Variants in KIAA1671 observed in about 807,000 individuals in gnomAD.
KIAA1671 encodes the protein KIAA1671.
KIAA1671 carries 52 observed loss-of-function variants against 131.2 expected under a neutral mutation model. The observed-to-expected ratio is 0.40, with a 90% CI of 0.32 to 0.50. The LOEUF is 0.50. KIAA1671 is among the 20% of genes least tolerant of loss of function. KIAA1671 has a pLI of 0.73. For missense variants in KIAA1671, 2,360 were observed against 2,364.2 expected (o/e 1.00, Z 0.04); for synonymous variants, 1,003 against 961.6 (o/e 1.04, Z -0.80).
intron 1 of KIAA1671, among the ~76,000 whole-genome samples, chr22:24,979,504 C>A (rs938587108): frequency 6.6e-6 from 1 of 151,502 alleles, no homozygotes; most frequent in Non-Finnish European, 1.5e-5. Context: ...CACCTGCCAC[C>A]GCGCCCGGCT....
intron 5 of KIAA1671, among the ~76,000 whole-genome samples, chr22:25,047,665 G>A (rs1316184344): frequency 6.6e-6 from 1 of 152,202 alleles, no homozygotes; most frequent in East Asian, 1.9e-4. Flanking sequence ...TAGAGACGGG[G>A]TTTCACCATG....
chr22:25,160,823 C>T (rs1447330602), intron 6 of KIAA1671, among the ~76,000 whole-genome samples: 1 of 152,222 alleles, frequency 6.6e-6, no homozygotes, highest in Non-Finnish European at 1.5e-5. Context: ...TGCCATTCCT[C>T]CCCTGACATA....
intron 1 of KIAA1671, among the ~76,000 whole-genome samples, chr22:24,988,398 C>T (rs62233167): frequency 0.039 from 5,859 of 151,870 alleles, 153 homozygotes; most frequent in Non-Finnish European, 0.058. Flanking sequence ...CCCATTTTTG[C>T]TTCATATGAT....
chr22:25,078,461 C>T (rs924158861), intron 6 of KIAA1671, among the ~76,000 whole-genome samples: 1 of 152,094 alleles, frequency 6.6e-6, no homozygotes. Context: ...CCCAAGAGTT[C>T]GAGGCTGCAG....
At position 25,170,845 on chromosome 22, in the gene KIAA1671, G is replaced by A. The variant is rs962397162; in HGVS notation, c.4556G>A (p.Arg1519Gln). 15 of 1,551,510 alleles carry A rather than the reference G, an allele frequency of 9.7e-6. No homozygotes were observed. The highest frequency in any genetic ancestry group is 9.6e-5 in the African/African-American group (7 of 73,028). Reference protein sequence around the residue: ...FVDQLKQCFSRQPTEPKDTDT... With the variant: ...FVDQLKQCFSQQPTEPKDTDT... Reference sequence around the variant, plus strand: ...GACCAGCTGAAGCAGTGTTTCTCCCGGCAGCCCACTGAACCCAAGGACACT... The same window carrying A: ...GACCAGCTGAAGCAGTGTTTCTCCCAGCAGCCCACTGAACCCAAGGACACT... Residue 1519 changes from arginine to glutamine, a missense_variant, in exon 7 of 13, where the codon CGG becomes CAG. By Grantham distance (43) the Arg-to-Gln change is conservative. Transcript: ENST00000358431.
chr22:25,032,612 T>C lies in KIAA1671; in HGVS notation c.1545T>C (p.Phe515=). 3.2e-6 allele frequency: 5 copies of C among 1,543,546 alleles called. No homozygotes were observed. The highest frequency in any genetic ancestry group is 2.4e-5 in the East Asian group (1 of 40,824). ...RPLSADLTKL[F]SSSASSNEVK... is the part of the protein sequence containing the mutation. ...GTAACTCAGATCTCTGTACCAGGTT[T>C]TCAAGTTCAGCTTCCAGCAACGAAG... Residue 515 remains phenylalanine, a synonymous_variant, in exon 4 of 13, where the codon TTT becomes TTC. Coordinates refer to ENST00000358431, the MANE Select transcript of KIAA1671 (RefSeq NM_001145206.2).
intron 9 of KIAA1671, 100 bp from the exon 10 acceptor site, chr22:25,181,599 T>C: frequency 5.6e-6 from 8 of 1,417,724 alleles, no homozygotes; most frequent in East Asian, 2.5e-5. Flanking sequence ...GCAGGTCTGA[T>C]GTGAGCATTG....
At chr22:25,033,491 A>T (rs1355803660) in intron 4 of KIAA1671, among the ~76,000 whole-genome samples, 2 of 151,708 alleles carry the variant, frequency 1.3e-5, no homozygotes, top group Middle Eastern at 3.2e-3. Flanking sequence ...GAGAAAACTC[A>T]TAAAATTGTC....
chr22:25,174,448 G>A lies in KIAA1671; in HGVS notation c.4858G>A (p.Ala1620Thr), dbSNP rs998442810. 7 of 1,544,730 alleles carry A rather than the reference G, an allele frequency of 4.5e-6. No homozygotes were observed. In the East Asian group the frequency reaches 7.4e-5, roughly 16 times the overall value. Residue 1620 changes from alanine (A) to threonine (T), a missense_variant, in exon 8 of 13, where the codon GCC (alanine) becomes ACC (threonine). Transcript: ENST00000358431. ...DGMEGPPPPD[A>T]CPEKRVDDFS... ...GATGGAGGGGCCGCCTCCACCGGAC[G>A]CCTGCCCTGAAAAGAGAGTAGATGA...
intron 9 of KIAA1671, among the ~76,000 whole-genome samples, chr22:25,181,215 A>G (rs1438647812): frequency 6.6e-6 from 1 of 152,220 alleles, no homozygotes; most frequent in East Asian, 1.9e-4. Context: ...AGCCTCAAGC[A>G]CGGGTCTGGG....
intron 6 of KIAA1671, chr22:25,063,208 C>T (rs1176675811): frequency 6.6e-6 from 1 of 152,154 alleles, no homozygotes; most frequent in Non-Finnish European, 1.5e-5. Flanking sequence ...GAGGAGGACC[C>T]ACCGCCCGGG....
At chr22:25,113,788 C>T (rs1931513910) in intron 6 of KIAA1671, among the ~76,000 whole-genome samples, 1 of 152,226 alleles carries the variant, frequency 6.6e-6, no homozygotes, top group African/African-American at 2.4e-5. Context: ...AGACAGATTC[C>T]CCAACCTCTG....
chr22:25,070,452 G>T (rs570438065), intron 6 of KIAA1671: 8 of 434,972 alleles, frequency 1.8e-5, no homozygotes, highest in South Asian at 7.2e-5. Flanking sequence ...TCCAGGACGG[G>T]GTCACGTCCT....
chr22:24,955,569 C>T (rs1921648671), intron 1 of KIAA1671, among the ~76,000 whole-genome samples: 1 of 152,122 alleles, frequency 6.6e-6, no homozygotes, highest in Admixed American at 6.6e-5. Context: ...GGACTTTATT[C>T]CTGGAGCGTG....
chr22:25,162,365 G>A (rs1933475399), intron 6 of KIAA1671, among the ~76,000 whole-genome samples: 1 of 152,214 alleles, frequency 6.6e-6, no homozygotes, highest in African/African-American at 2.4e-5. Flanking sequence ...AATTGCAGAG[G>A]GGATTGGGAC....
intron 6 of KIAA1671, among the ~76,000 whole-genome samples, chr22:25,098,317 G>A (rs562566049): frequency 1.3e-5 from 2 of 151,918 alleles, no homozygotes; most frequent in African/African-American, 2.4e-5. Context: ...CTCCCCTTTC[G>A]TTCCCTTCTT....
chr22:24,972,500 CCATATATGCATCCATG>C (rs1288795650), intron 1 of KIAA1671, among the ~76,000 whole-genome samples: 1 of 152,030 alleles, frequency 6.6e-6, no homozygotes, highest in Non-Finnish European at 1.5e-5. Context: ...ATGCATCCAT[CCATATATGCATCCATG>C]CATCCATGTG....
intron 6 of KIAA1671, chr22:25,050,069 G>A (rs1927453432): frequency 6.6e-6 from 1 of 152,260 alleles, no homozygotes; most frequent in Admixed American, 6.5e-5. Flanking sequence ...CAAACAATAA[G>A]TGTCATCGTC....
chr22:25,033,372 A>T (rs1926394622), intron 4 of KIAA1671, among the ~76,000 whole-genome samples: 1 of 152,134 alleles, frequency 6.6e-6, no homozygotes, highest in African/African-American at 2.4e-5. Context: ...CCTGGGCGAC[A>T]GAGTGAGACT....
Sources: gnomAD v4.1 joint callset for allele counts (sites outside exome capture counted in the v4.1 genomes callset) on GRCh38, gnomAD v4.1.1 for gene constraint, MANE v1.5 for transcripts, NCBI Gene and HGNC (gene_info 2026-07-23, HGNC 2026-07-21) for gene names.